The following GSE1 variants were observed in gnomAD, a reference collection of about 807,000 sequenced individuals.
The protein encoded by GSE1 is Gse1 coiled-coil protein, also known as genetic suppressor element 1.
Under a neutral mutation model 112.6 loss-of-function variants are expected in GSE1, and 32 were observed. The observed-to-expected ratio is 0.28, with a 90% CI of 0.21 to 0.38. The LOEUF (loss-of-function observed/expected upper bound fraction) is 0.38. Among genes scored for constraint, GSE1 ranks in the 10% least tolerant of loss-of-function variants. GSE1 has a pLI of 1.00. For synonymous variants in GSE1, 1,115 were observed against 735.6 expected (o/e 1.52, Z -8.35); for missense variants, 2,348 against 1,699.2 (o/e 1.38, Z -6.71).
intron 1 of GSE1, among the ~76,000 whole-genome samples, chr16:85,312,073 C>T (rs1018120342): frequency 6.6e-6 from 1 of 152,164 alleles, no homozygotes; most frequent in Non-Finnish European, 1.5e-5. Context: ...GCCTTGCACC[C>T]CCAGAGCCCT....
intron 1 of GSE1, among the ~76,000 whole-genome samples, chr16:85,251,041 C>A (rs900405354): frequency 6.6e-6 from 1 of 152,212 alleles, no homozygotes. Context: ...GGGTGTGCCA[C>A]GTCTCGTTAT....
At position 85,419,896 on chromosome 16, in the gene GSE1, G is replaced by A. The variant is rs1468950144; in HGVS notation, c.2464+62253G>A. Among the ~76,000 whole-genome samples the A allele has an allele frequency of 6.6e-6, 1 of 152,176 alleles. No individual in the cohort carries two copies. Among genetic ancestry groups the A allele is most frequent in the Non-Finnish European group, 1.5e-5 (1 of 68,034 alleles). ...ACTGCTCTGGGAGGGTCAGAGTCGG[G>A]GGGACTGGGCTGGAACAGAACTGAG... On this transcript the variant is annotated intron_variant, in intron 2 of 2. Coordinates refer to the GSE1 transcript ENST00000637419. The surrounding 1 kb of genome is among the most constrained non-coding windows in gnomAD (Gnocchi z 6.5).
At chr16:85,617,594 C>T (rs1165270960) in intron 1 of GSE1, among the ~76,000 whole-genome samples, 5 of 60,720 alleles carry the variant, frequency 8.2e-5, no homozygotes, top group Non-Finnish European at 1.7e-4. Context: ...GTGTGTCAAC[C>T]CTCCCCCCCC....
At position 85,457,506 on chromosome 16, in the gene GSE1, G is replaced by A. The variant is rs148739861; in HGVS notation, c.2464+99863G>A. Among the ~76,000 whole-genome samples the A allele has an allele frequency of 1.1e-4, 17 of 152,352 alleles. No homozygotes were observed. The East Asian group carries it at 2.9e-3, about 26-fold the overall frequency. ...CACAGCAGGCTTCACAGTCTCCCTC[G>A]TGGTGATGAGATGTGTCATCGTCCC... On this transcript the variant is annotated intron_variant, in intron 2 of 2. Coordinates refer to the GSE1 transcript ENST00000637419.
At chr16:85,605,625 C>T (rs2047671271) in intron 1 of GSE1, among the ~76,000 whole-genome samples, 1 of 151,888 alleles carries the variant, frequency 6.6e-6, no homozygotes, top group African/African-American at 2.4e-5. Flanking sequence ...CCCAGTCCGG[C>T]AGCTTGACTG....
intron 2 of GSE1, among the ~76,000 whole-genome samples, chr16:85,635,703 C>T (rs1337742796): frequency 6.6e-6 from 1 of 152,188 alleles, no homozygotes; most frequent in Non-Finnish European, 1.5e-5. Context: ...TCCGAGGCCA[C>T]GGGCGGCACG....
At chr16:85,263,655 C>T (rs1470783576) in intron 1 of GSE1, among the ~76,000 whole-genome samples, 1 of 151,960 alleles carries the variant, frequency 6.6e-6, no homozygotes, top group East Asian at 1.9e-4. Flanking sequence ...TCACTGCAAC[C>T]TCTGCCTCCA....
chr16:85,380,561 G>A (rs1597543038), intron 2 of GSE1, among the ~76,000 whole-genome samples: 3 of 138,362 alleles, frequency 2.2e-5, no homozygotes, highest in Admixed American at 6.8e-5. Flanking sequence ...ACTGCCCGCC[G>A]GGGGAGGCCT....
intron 1 of GSE1, among the ~76,000 whole-genome samples, chr16:85,314,532 ACATG>A (rs1379950918): frequency 6.6e-6 from 1 of 152,172 alleles, no homozygotes; most frequent in Admixed American, 6.5e-5. Flanking sequence ...GTGTGTGCAC[ACATG>A]CATGCACACA....
chr16:85,556,878 G>A (rs1338649134), intron 1 of GSE1, among the ~76,000 whole-genome samples: 2 of 151,940 alleles, frequency 1.3e-5, no homozygotes, highest in Non-Finnish European at 2.9e-5. Flanking sequence ...TCCCTGGAAG[G>A]TTTTGTTCCG....
intron 1 of GSE1, among the ~76,000 whole-genome samples, chr16:85,204,127 C>T (rs2075076390): frequency 6.6e-6 from 1 of 152,212 alleles, no homozygotes; most frequent in Non-Finnish European, 1.5e-5. Flanking sequence ...TGTCACTCCC[C>T]ATTCCCCGTT....
At chr16:85,467,344 G>C (rs140257706) in intron 2 of GSE1, among the ~76,000 whole-genome samples, 34 of 152,360 alleles carry the variant, frequency 2.2e-4, no homozygotes, top group Middle Eastern at 6.8e-3. Flanking sequence ...CACCTGTCTT[G>C]TTCCAGCCAG....
At chr16:85,436,615 G>A (rs2151770555) in intron 2 of GSE1, among the ~76,000 whole-genome samples, 1 of 152,356 alleles carries the variant, frequency 6.6e-6, no homozygotes, top group Non-Finnish European at 1.5e-5. Context: ...GCCCCAGTGG[G>A]GTTAGGATTT....
intron 1 of GSE1, among the ~76,000 whole-genome samples, chr16:85,261,964 C>T (rs763855505): frequency 2.8e-4 from 43 of 152,084 alleles, no homozygotes; most frequent in Non-Finnish European, 4.1e-4. Flanking sequence ...TGCCTTATGT[C>T]GGGATGTTTG....
chr16:85,517,404 A>C (rs1325093646), intron 2 of GSE1, among the ~76,000 whole-genome samples: 1 of 152,228 alleles, frequency 6.6e-6, no homozygotes, highest in East Asian at 1.9e-4. Context: ...AGTTCTGCAC[A>C]TAAAAAGCTT....
chr16:85,357,466 G>C, exon 2 of GSE1: 1 of 1,222,180 alleles, frequency 8.2e-7, no homozygotes, highest in Non-Finnish European at 1.0e-6. Flanking sequence ...CTTTCAGCCT[G>C]TTTGTGGATC....
intron 2 of GSE1, among the ~76,000 whole-genome samples, chr16:85,474,709 C>T (rs1210947707): frequency 6.6e-6 from 1 of 150,568 alleles, no homozygotes; most frequent in African/African-American, 2.4e-5. Flanking sequence ...CCTTCCCCTC[C>T]TCCCTCTCCC....
At chr16:85,497,694 G>T (rs1439290516) in intron 2 of GSE1, among the ~76,000 whole-genome samples, 3 of 152,124 alleles carry the variant, frequency 2.0e-5, no homozygotes, top group Non-Finnish European at 2.9e-5. Flanking sequence ...AATGTCCTAT[G>T]CATGGTCCTG....
intron 1 of GSE1, among the ~76,000 whole-genome samples, chr16:85,240,641 G>A (rs1389781521): frequency 6.6e-6 from 1 of 152,192 alleles, no homozygotes; most frequent in African/African-American, 2.4e-5. Flanking sequence ...GTGCATGGAG[G>A]GGTCATGAAG....
Sources: gnomAD v4.1 joint callset for allele counts (sites outside exome capture counted in the v4.1 genomes callset) on GRCh38, gnomAD v4.1.1 for gene constraint, Gnocchi (gnomAD v3.1) non-coding constraint, MANE v1.5 for transcripts, NCBI Gene and HGNC (gene_info 2026-07-23, HGNC 2026-07-21) for gene names.